DOK5: variants seen among roughly 807,000 people sequenced by gnomAD.
DOK5 encodes docking protein 5, also known as downstream of tyrosine kinase 5.
DOK5 carries 27 observed loss-of-function variants against 43.3 expected under a neutral mutation model. That is an observed-to-expected ratio of 0.62 (90% CI 0.46 to 0.86). DOK5 has a LOEUF of 0.86. Among genes scored for constraint, DOK5 ranks in the 40% least tolerant of loss-of-function variants. The pLI, the probability that DOK5 is intolerant of heterozygous loss-of-function variation, is 0.00. For missense variants in DOK5, 373 were observed against 392.9 expected (o/e 0.95, Z 0.43); for synonymous variants, 146 against 140.1 (o/e 1.04, Z -0.30).
intron 7 of DOK5, among the ~76,000 whole-genome samples, chr20:54,645,546 A>G (rs576905146): frequency 6.6e-6 from 1 of 152,040 alleles, no homozygotes; most frequent in East Asian, 1.9e-4. Flanking sequence ...CATCCTAGTT[A>G]ACTCCTGCTC....
At chr20:54,644,718 A>AAAAAAAACAAAAAAC (rs1555839806) in intron 7 of DOK5, among the ~76,000 whole-genome samples, 47 of 142,570 alleles carry the variant, frequency 3.3e-4, no homozygotes, top group African/African-American at 1.3e-3. Context: ...AAAAAAAAAA[A>AAAAAAAACAAAAAAC]AAAAAACAAA....
At chr20:54,646,306 T>C (rs983292352) in intron 7 of DOK5, among the ~76,000 whole-genome samples, 43 of 134,522 alleles carry the variant, frequency 3.2e-4, no homozygotes, top group African/African-American at 1.2e-3. Context: ...TAGGCTGGAG[T>C]GCAGTGGTGC....
At chr20:54,529,346 A>C (rs945106756) in intron 1 of DOK5, among the ~76,000 whole-genome samples, 1 of 152,192 alleles carries the variant, frequency 6.6e-6, no homozygotes, top group African/African-American at 2.4e-5. Context: ...TACTACTACT[A>C]ATAATAGTTC....
At chr20:54,646,079 A>C (rs1038518763) in intron 7 of DOK5, among the ~76,000 whole-genome samples, 1 of 151,916 alleles carries the variant, frequency 6.6e-6, no homozygotes, top group Non-Finnish European at 1.5e-5. Flanking sequence ...AATGCCACTG[A>C]TTCTCACTTA....
chr20:54,514,243 C>T (rs924038803), intron 1 of DOK5, among the ~76,000 whole-genome samples: 5 of 152,160 alleles, frequency 3.3e-5, no homozygotes, highest in Admixed American at 3.3e-4. Flanking sequence ...CATTTTTCTC[C>T]TCTTTCATTA....
intron 6 of DOK5, among the ~76,000 whole-genome samples, chr20:54,618,269 T>C (rs1986874706): frequency 6.6e-6 from 1 of 152,194 alleles, no homozygotes; most frequent in South Asian, 2.1e-4. Flanking sequence ...CCTCTGGCCA[T>C]GATGCCTCAC....
At chr20:54,601,954 C>T (rs1315419325) in intron 5 of DOK5, among the ~76,000 whole-genome samples, 1 of 152,160 alleles carries the variant, frequency 6.6e-6, no homozygotes, top group Admixed American at 6.5e-5. Flanking sequence ...TCTGTTTTCA[C>T]CCACCCATGA....
chr20:54,492,040 G>A (rs1982198398), intron 1 of DOK5, among the ~76,000 whole-genome samples: 1 of 151,758 alleles, frequency 6.6e-6, no homozygotes, highest in African/African-American at 2.4e-5. Flanking sequence ...GATATCATAT[G>A]TATATATGAC....
chr20:54,500,557 ATTTTTTTT>A (rs545357915), intron 1 of DOK5, among the ~76,000 whole-genome samples: 5 of 115,458 alleles, frequency 4.3e-5, no homozygotes, highest in African/African-American at 1.7e-4. Flanking sequence ...TACCCAGTGT[ATTTTTTTT>A]TTTTTTTTTT....
chr20:54,484,179 G>C (rs1345494623), intron 1 of DOK5, among the ~76,000 whole-genome samples: 2 of 152,058 alleles, frequency 1.3e-5, no homozygotes, highest in Non-Finnish European at 2.9e-5. Flanking sequence ...AGGAGTTCTA[G>C]ACCAGCCTGG....
intron 2 of DOK5, among the ~76,000 whole-genome samples, chr20:54,576,702 T>G (rs934682853): frequency 6.6e-6 from 1 of 152,204 alleles, no homozygotes; most frequent in Admixed American, 6.5e-5. Flanking sequence ...TTCATTTGAG[T>G]GGCAGCCTGC....
intron 1 of DOK5, among the ~76,000 whole-genome samples, chr20:54,507,846 A>G (rs935147235): frequency 3.3e-5 from 5 of 152,186 alleles, no homozygotes; most frequent in Non-Finnish European, 5.9e-5. Flanking sequence ...ACAATGGAGA[A>G]TTATTTGGGG....
chr20:54,507,106 A>G (rs1259084798), intron 1 of DOK5, among the ~76,000 whole-genome samples: 4 of 152,224 alleles, frequency 2.6e-5, no homozygotes, highest in Non-Finnish European at 5.9e-5. Context: ...TTTCACAAAT[A>G]TTTTTTGAGT....
Position 54,610,403 on chromosome 20 carries a change from T to G in DOK5, c.615T>G (p.Gly205=), listed in dbSNP as rs771245616. The G allele has an allele frequency of 6.4e-7, 1 of 1,574,778 alleles. No homozygotes were observed. The highest frequency in any genetic ancestry group is 1.9e-5 in the Admixed American group (1 of 51,768). ...GTTTTCACAGGATGTGTGAGACTGG[T>G]GAAGGGCTGTTTATCTTTCAGACCC... ...TFEAGRMCET[G]EGLFIFQTRD... is the part of the protein sequence containing the mutation. Residue 205 remains glycine, a synonymous_variant, in exon 6 of 8, where the codon GGT becomes GGG. Coordinates refer to ENST00000262593, the MANE Select transcript of DOK5 (RefSeq NM_018431.5).
intron 6 of DOK5, among the ~76,000 whole-genome samples, chr20:54,636,255 T>A (rs1188043598): frequency 6.6e-6 from 1 of 152,208 alleles, no homozygotes; most frequent in East Asian, 1.9e-4. Context: ...GTTTAAATGA[T>A]AATAGCCCTT....
Position 54,481,075 on chromosome 20 carries a change from CT to C in DOK5, c.66+5064del, listed in dbSNP as rs1352191168. Among the ~76,000 whole-genome samples, 748 of 126,480 alleles carry C rather than the reference CT, an allele frequency of 5.9e-3. 29 individuals are homozygous for C. Among genetic ancestry groups the C allele is most frequent in the African/African-American group, 0.025 (703 of 27,784 alleles). The allele number at this position is 126,480 out of a possible 152,430, so 83.0% of individuals were successfully genotyped here. ...TGTCTATCATCTATCTATCATCTAT[CT>C]ATCTATCATCTACCATCTATCTATC... On this transcript the variant is annotated intron_variant, in intron 1 of 7. Coordinates refer to ENST00000262593, the MANE Select transcript of DOK5 (RefSeq NM_018431.5).
At chr20:54,589,752 C>T (rs926903318) in intron 4 of DOK5, among the ~76,000 whole-genome samples, 1 of 152,186 alleles carries the variant, frequency 6.6e-6, no homozygotes, top group Non-Finnish European at 1.5e-5. Flanking sequence ...AAAAAAAATG[C>T]TGTCCCTCCC....
At chr20:54,577,130 C>T (rs1985479645) in intron 2 of DOK5, among the ~76,000 whole-genome samples, 1 of 152,192 alleles carries the variant, frequency 6.6e-6, no homozygotes, top group Admixed American at 6.5e-5. Context: ...TTGAGTATGG[C>T]TCCATCCCCT....
chr20:54,588,901 G>A lies in DOK5; in HGVS notation c.409+95G>A, dbSNP rs1035413076. ...ATCTTCATTATGTAAAGTTTTTGGG[G>A]TATAAAAATGTATAAAGAAATAAGT... On this transcript the variant is annotated intron_variant, in intron 4 of 7. Coordinates refer to ENST00000262593, the MANE Select transcript of DOK5 (RefSeq NM_018431.5). The A allele has an allele frequency of 6.5e-6, 8 of 1,223,990 alleles. No individual in the cohort carries two copies. In the African/African-American group the frequency reaches 9.3e-5, roughly 14 times the overall value. 75.8% of individuals were successfully genotyped at this position (1,223,990 alleles called of 1,614,324 possible).
Sources: gnomAD v4.1 joint callset for allele counts (sites outside exome capture counted in the v4.1 genomes callset) on GRCh38, gnomAD v4.1.1 for gene constraint, MANE v1.5 for transcripts, NCBI Gene and HGNC (gene_info 2026-07-23, HGNC 2026-07-21) for gene names.